Variants in RPH3A observed in about 807,000 individuals in gnomAD.
The protein encoded by RPH3A is rabphilin-3A.
A neutral mutation model predicts 102.2 loss-of-function variants in RPH3A; 48 were observed. That is an observed-to-expected ratio of 0.47 (90% confidence interval 0.37 to 0.60). The LOEUF (loss-of-function observed/expected upper bound fraction) is 0.60. Among genes scored for constraint, RPH3A ranks in the 20% least tolerant of loss-of-function variants. RPH3A has a pLI of 0.00. For synonymous variants in RPH3A, 310 were observed against 324.3 expected, an observed-to-expected ratio of 0.96 and a Z score of 0.47; for missense variants, 781 against 910.1, an observed-to-expected ratio of 0.86 and a Z score of 1.83.
intron 1 of RPH3A, among the ~76,000 whole-genome samples, chr12:112,656,523 T>C (rs1023040892): frequency 1.8e-4 from 27 of 152,162 alleles, no homozygotes; most frequent in African/African-American, 6.3e-4. Flanking sequence ...GTAACCCAAA[T>C]AGTGAACATT....
At chr12:112,592,967 C>T (rs1044456912) in intron 1 of RPH3A, among the ~76,000 whole-genome samples, 4 of 152,180 alleles carry the variant, frequency 2.6e-5, no homozygotes, top group Non-Finnish European at 5.9e-5. Flanking sequence ...AATGTGGAAT[C>T]AGGGTATCAT....
chr12:112,748,982 G>A (rs2040767179), intron 1 of RPH3A, among the ~76,000 whole-genome samples: 1 of 152,042 alleles, frequency 6.6e-6, no homozygotes, highest in Non-Finnish European at 1.5e-5. Flanking sequence ...AGATGATCTG[G>A]CAACACTGGG....
At chr12:112,619,328 C>T (rs2039703976) in intron 1 of RPH3A, among the ~76,000 whole-genome samples, 1 of 150,720 alleles carries the variant, frequency 6.6e-6, no homozygotes, top group South Asian at 2.1e-4. Flanking sequence ...TCTTGTTGCC[C>T]AGGCTGAAGT....
chr12:112,882,179 C>T (rs1405021419), intron 15 of RPH3A, among the ~76,000 whole-genome samples: 1 of 152,202 alleles, frequency 6.6e-6, no homozygotes, highest in Non-Finnish European at 1.5e-5. Flanking sequence ...ACCTCCCCTA[C>T]ACATTTTATG....
rs534117822 is a variant in RPH3A at position 112,737,164 on chromosome 12, A to AC, written c.-139-54979_-139-54978insC. On this transcript the variant is annotated intron_variant, in intron 1 of 21. Transcript: ENST00000543106. ...AATGAGACCCTGTCTCAAAAAAAAA[A>AC]AAAACAAAATAAAAAAAAAACAAAC... Among the ~76,000 whole-genome samples the AC allele has an allele frequency of 1.1e-3, 165 of 151,632 alleles. 1 individual carries two copies. Among genetic ancestry groups the AC allele is most frequent in the African/African-American group, 3.9e-3 (160 of 41,382 alleles).
At chr12:112,603,788 C>T (rs564664047) in intron 1 of RPH3A, among the ~76,000 whole-genome samples, 2 of 152,244 alleles carry the variant, frequency 1.3e-5, no homozygotes, top group East Asian at 3.9e-4. Context: ...CAGCAAGTCC[C>T]AGTCTCATTT....
At chr12:112,621,788 C>G (rs1482552734) in intron 1 of RPH3A, among the ~76,000 whole-genome samples, 3 of 151,878 alleles carry the variant, frequency 2.0e-5, no homozygotes, top group Non-Finnish European at 4.4e-5. Flanking sequence ...GCAGTAACCT[C>G]TGCAGACTTA....
intron 1 of RPH3A, among the ~76,000 whole-genome samples, chr12:112,763,229 A>C (rs2040866448): frequency 6.6e-6 from 1 of 152,230 alleles, no homozygotes; most frequent in African/African-American, 2.4e-5. Context: ...CATGGTGTGC[A>C]TTCAATAAAT....
chr12:112,878,099 C>T (rs963504203), intron 13 of RPH3A, among the ~76,000 whole-genome samples: 2 of 152,204 alleles, frequency 1.3e-5, no homozygotes, highest in Admixed American at 1.3e-4. Context: ...TGTCCCCCTT[C>T]GTGCCCTGTG....
intron 2 of RPH3A, among the ~76,000 whole-genome samples, chr12:112,827,147 G>A (rs2041891492): frequency 6.6e-6 from 1 of 152,092 alleles, no homozygotes; most frequent in African/African-American, 2.4e-5. Context: ...TCACAGAGTT[G>A]TGGATCCATC....
In RPH3A at chr12:112,601,047, C is replaced by A. The variant is rs150129572; in HGVS notation, c.-140+25728C>A. 3.7e-3 allele frequency among the ~76,000 whole-genome samples: 565 copies of A among 152,240 alleles called. 2 individuals carry two copies. Among genetic ancestry groups the A allele is most frequent in the African/African-American group, 0.013 (532 of 41,530 alleles). Reference sequence around the variant, plus strand: ...TATCACGAGAACAACATGGGGGGAACCGCCCCCATGATTCAATTACCTCCA... The same window carrying A: ...TATCACGAGAACAACATGGGGGGAAACGCCCCCATGATTCAATTACCTCCA... On this transcript the variant is annotated intron_variant, in intron 1 of 21. Transcript: ENST00000543106.
At chr12:112,653,632 TA>T (rs947028164) in intron 1 of RPH3A, among the ~76,000 whole-genome samples, 4 of 152,064 alleles carry the variant, frequency 2.6e-5, no homozygotes, top group Admixed American at 1.3e-4. Flanking sequence ...TTTATATACT[TA>T]AAAAAACCCT....
At chr12:112,668,292 G>A (rs1398898658) in intron 1 of RPH3A, among the ~76,000 whole-genome samples, 1 of 152,150 alleles carries the variant, frequency 6.6e-6, no homozygotes, top group Non-Finnish European at 1.5e-5. Context: ...TGTTCATCTT[G>A]AACAGGTAGA....
At chr12:112,813,412 C>T (rs1401410662) in intron 2 of RPH3A, 2 of 152,182 alleles carry the variant, frequency 1.3e-5, no homozygotes, top group African/African-American at 4.8e-5. Context: ...CTTTACCCCA[C>T]CTGGTGCCTG....
chr12:112,727,413 A>ATG (rs2040599282), intron 1 of RPH3A, among the ~76,000 whole-genome samples: 1 of 143,646 alleles, frequency 7.0e-6, no homozygotes. Flanking sequence ...AAAAATATAT[A>ATG]TATATATACA....
intron 3 of RPH3A, among the ~76,000 whole-genome samples, chr12:112,828,757 CACTAGATCAGAGATTACAA>C (rs2041921766): frequency 1.3e-5 from 2 of 152,148 alleles, no homozygotes; most frequent in Non-Finnish European, 2.9e-5. Context: ...AAGGAAGTTG[CACTAGATCAGAGATTACAA>C]ACTGGCAGAC....
chr12:112,831,853 C>T (rs573581875), intron 3 of RPH3A: 13 of 455,730 alleles, frequency 2.9e-5, no homozygotes, highest in Admixed American at 7.1e-5. Flanking sequence ...TTTCCTTCCA[C>T]GTAAGCCCTT....
chr12:112,732,472 A>T (rs1483094335), intron 1 of RPH3A, among the ~76,000 whole-genome samples: 1 of 152,202 alleles, frequency 6.6e-6, no homozygotes, highest in Non-Finnish European at 1.5e-5. Context: ...ATGAGTCCAT[A>T]CATGTGAATG....
At chr12:112,884,140 A>AT (rs545798584) in intron 16 of RPH3A, among the ~76,000 whole-genome samples, 1 of 152,182 alleles carries the variant, frequency 6.6e-6, no homozygotes, top group East Asian at 1.9e-4. Context: ...TTTATCACAG[A>AT]TTTTTTTAAA....
Sources: allele counts gnomAD v4.1 joint callset (sites outside exome capture counted in the v4.1 genomes callset), GRCh38; gene constraint gnomAD v4.1.1; transcripts MANE v1.5; gene names NCBI Gene and HGNC (gene_info 2026-07-23, HGNC 2026-07-21).